Variants in ZCWPW2 observed in about 807,000 individuals in gnomAD.
The protein encoded by ZCWPW2 is zinc finger CW-type and PWWP domain containing 2.
ZCWPW2 carries 45 observed loss-of-function variants against 46.6 expected under a neutral mutation model. The observed-to-expected ratio is 0.96, with a 90% confidence interval of 0.76 to 1.24. ZCWPW2 has a LOEUF of 1.24. ZCWPW2 is among the 50% of genes most tolerant of loss of function. The pLI is 0.00. For missense variants in ZCWPW2, 429 were observed against 403.9 expected (o/e 1.06, Z -0.53); for synonymous variants, 152 against 137.1 (o/e 1.11, Z -0.76).
intron 1 of ZCWPW2, among the ~76,000 whole-genome samples, chr3:28,363,015 C>T (rs943470904): frequency 1.3e-5 from 2 of 148,598 alleles, no homozygotes; most frequent in African/African-American, 5.0e-5. Context: ...AATGATGAGA[C>T]CACATGGACA....
chr3:28,355,329 A>G (rs1704690505), intron 1 of ZCWPW2, among the ~76,000 whole-genome samples: 1 of 152,226 alleles, frequency 6.6e-6, no homozygotes, highest in Non-Finnish European at 1.5e-5. Context: ...ATTACAAACC[A>G]CTGCTCAACA....
intron 6 of ZCWPW2, among the ~76,000 whole-genome samples, chr3:28,502,093 C>T (rs1248660678): frequency 1.3e-5 from 2 of 152,098 alleles, no homozygotes; most frequent in Admixed American, 1.3e-4. Flanking sequence ...TGCCTCCTTA[C>T]AGAGCAGTAT....
In ZCWPW2 at chr3:28,394,146, A is replaced by G. The variant is rs183705035; in HGVS notation, c.-14+3529A>G. Among the ~76,000 whole-genome samples, 755 of 152,224 alleles carry G rather than the reference A, an allele frequency of 5.0e-3. 7 individuals carry two copies. The highest frequency in any genetic ancestry group is 7.4e-3 in the Non-Finnish European group (505 of 67,948). On this transcript the variant is annotated intron_variant, in intron 2 of 9. Transcript: ENST00000383768. ...GTACACTAACAAGAGCTATCAAAAA[A>G]GTTATTCAGAAGAAAATCCCATTTA... is the stretch of plus-strand genomic sequence containing the variant.
intron 9 of ZCWPW2, among the ~76,000 whole-genome samples, chr3:28,523,953 A>T (rs1700789314): frequency 6.6e-6 from 1 of 152,106 alleles, no homozygotes. Flanking sequence ...TTTCTATAAA[A>T]GGGTACATTT....
intron 3 of ZCWPW2, chr3:28,428,202 A>G (rs1051368963): frequency 1.3e-5 from 2 of 152,414 alleles, no homozygotes; most frequent in African/African-American, 2.4e-5. Flanking sequence ...TAATAACCAG[A>G]GAGTCTTCTT....
chr3:28,464,483 G>A (rs889965185), intron 4 of ZCWPW2, among the ~76,000 whole-genome samples: 5 of 152,026 alleles, frequency 3.3e-5, no homozygotes, highest in African/African-American at 1.2e-4. Context: ...CTAGTTGGGA[G>A]AGAAGACCCT....
At position 28,349,061 on chromosome 3, in the gene ZCWPW2, G is replaced by T; in HGVS notation, c.-276G>T. 1 of 985,960 alleles carries T rather than the reference G, an allele frequency of 1.0e-6. No individual in the cohort carries two copies. The highest frequency in any genetic ancestry group is 1.7e-5 in the African/African-American group (1 of 57,380). The allele number at this position is 985,960 out of a possible 1,614,324, so 61.1% of individuals were successfully genotyped here. On this transcript the variant is annotated 5_prime_UTR_variant, in exon 1 of 10. An upstream open reading frame in the 5' UTR gains an earlier in-frame stop. Transcript: ENST00000383768. Reference sequence around the variant, plus strand: ...CGGAAGTCAGGCCCGAGGGAGCTGGGAGGGCGTTAGCGAAGCCAGGTTCGG... The same window carrying T: ...CGGAAGTCAGGCCCGAGGGAGCTGGTAGGGCGTTAGCGAAGCCAGGTTCGG...
At chr3:28,390,473 C>G in intron 1 of ZCWPW2, 25 bp from the exon 2 acceptor site, 2 of 984,634 alleles carry the variant, frequency 2.0e-6, no homozygotes, top group Non-Finnish European at 2.4e-6. Flanking sequence ...TTTAAATTTG[C>G]TAGATTGATG....
chr3:28,472,161 A>G (rs1575174807), intron 4 of ZCWPW2, among the ~76,000 whole-genome samples: 1 of 152,202 alleles, frequency 6.6e-6, no homozygotes, highest in Non-Finnish European at 1.5e-5. Context: ...AAAGCAATCT[A>G]CAGATTCAAT....
At chr3:28,458,307 T>G (rs1213636547) in intron 4 of ZCWPW2, among the ~76,000 whole-genome samples, 1 of 152,170 alleles carries the variant, frequency 6.6e-6, no homozygotes, top group Non-Finnish European at 1.5e-5. Flanking sequence ...CTAAATGAGT[T>G]ATTTGTGAAG....
intron 1 of ZCWPW2, among the ~76,000 whole-genome samples, chr3:28,356,950 A>C (rs1022656585): frequency 6.6e-6 from 1 of 152,162 alleles, no homozygotes; most frequent in Non-Finnish European, 1.5e-5. Context: ...ATATGTATAC[A>C]TATGTAACAA....
chr3:28,521,267 A>G, intron 9 of ZCWPW2, 151 bp downstream of exon 9: 2 of 780,566 alleles, frequency 2.6e-6, no homozygotes, highest in South Asian at 2.1e-5. Context: ...ATAATAAACT[A>G]GTAACCTGTT....
intron 2 of ZCWPW2, among the ~76,000 whole-genome samples, chr3:28,406,990 C>T (rs1345976886): frequency 6.6e-6 from 1 of 151,950 alleles, no homozygotes; most frequent in Non-Finnish European, 1.5e-5. Context: ...TAACACCCAG[C>T]TAATTTAATT....
chr3:28,404,494 T>G (rs1209523124), intron 2 of ZCWPW2, among the ~76,000 whole-genome samples: 1 of 152,156 alleles, frequency 6.6e-6, no homozygotes, highest in Non-Finnish European at 1.5e-5. Flanking sequence ...GAAGTAGAAC[T>G]GCCATTTGAT....
chr3:28,375,738 T>TA (rs922952817), intron 1 of ZCWPW2, among the ~76,000 whole-genome samples: 1 of 104,766 alleles, frequency 9.5e-6, no homozygotes, highest in Non-Finnish European at 2.1e-5. Context: ...TCATTCTTTC[T>TA]ATTTTTTTTT....
At chr3:28,451,724 T>C (rs1698233021) in intron 4 of ZCWPW2, among the ~76,000 whole-genome samples, 1 of 152,240 alleles carries the variant, frequency 6.6e-6, no homozygotes, top group Non-Finnish European at 1.5e-5. Flanking sequence ...ATGTAGTCTG[T>C]GATAAGGATT....
rs191904718 is a variant in ZCWPW2 at position 28,455,037 on chromosome 3, C to T, written c.492+19768C>T. Reference sequence around the variant, plus strand: ...GCTAGGTCTAATGGTATTTCTGTCTCAAGATCTTTGAGGAATCACCACACT... The same window carrying T: ...GCTAGGTCTAATGGTATTTCTGTCTTAAGATCTTTGAGGAATCACCACACT... On this transcript the variant is annotated intron_variant, in intron 4 of 9. Coordinates refer to ENST00000383768, the MANE Select transcript of ZCWPW2 (RefSeq NM_001040432.4). Among the ~76,000 whole-genome samples, 115 of 152,254 alleles carry T rather than the reference C, an allele frequency of 7.6e-4. No homozygotes were observed. In the Middle Eastern group the frequency reaches 0.01, roughly 14 times the overall value.
chr3:28,409,051 T>C (rs1199276632), intron 2 of ZCWPW2, among the ~76,000 whole-genome samples: 1 of 151,800 alleles, frequency 6.6e-6, no homozygotes, highest in East Asian at 1.9e-4. Context: ...AAAAGTAGAG[T>C]CTTCCATCTT....
At chr3:28,427,630 G>C (rs983501299) in intron 3 of ZCWPW2, among the ~76,000 whole-genome samples, 5 of 152,084 alleles carry the variant, frequency 3.3e-5, no homozygotes, top group African/African-American at 1.2e-4. Flanking sequence ...TTCTTTTTGA[G>C]GGTCGTCTCT....
Sources: allele counts gnomAD v4.1 joint callset (sites outside exome capture counted in the v4.1 genomes callset), GRCh38; gene constraint gnomAD v4.1.1; transcripts MANE v1.5; gene names NCBI Gene and HGNC (gene_info 2026-07-23, HGNC 2026-07-21).